KCNH8: variants seen among roughly 807,000 people sequenced by gnomAD.
KCNH8 encodes potassium voltage-gated channel subfamily H member 8.
Under a neutral mutation model 103.6 loss-of-function variants are expected in KCNH8, and 70 were observed. The ratio of observed to expected loss-of-function variants is 0.68; its 90% CI spans 0.56 to 0.82. The LOEUF is 0.82. Ranked by LOEUF, KCNH8 falls within the 40% of genes least tolerant of loss-of-function variation. The pLI, the probability that KCNH8 is intolerant of heterozygous loss-of-function variation, is 0.00. For synonymous variants in KCNH8, 498 were observed against 489.4 expected (o/e 1.02, Z -0.23); for missense variants, 1,217 against 1,329.9 (o/e 0.92, Z 1.32).
chr3:19,377,775 A>G (rs1024891519), intron 5 of KCNH8, among the ~76,000 whole-genome samples: 2 of 152,222 alleles, frequency 1.3e-5, no homozygotes, highest in African/African-American at 4.8e-5. Context: ...TCATAATGAT[A>G]AAAGGTCACA....
Position 19,278,930 on chromosome 3 carries a change from CCTATGCAAAGGCT to C in KCNH8, c.311-2265_311-2253del, listed in dbSNP as rs1350596121. On this transcript the variant is annotated intron_variant, in intron 2 of 15. Coordinates refer to ENST00000328405, the MANE Select transcript of KCNH8 (RefSeq NM_144633.3). ...GCTCTTTCCAAAATATATTGGTGCA[CCTATGCAAAGGCT>C]CTTTGGAGACAGTAATGATACTTGT... Among the ~76,000 whole-genome samples the C allele has an allele frequency of 3.3e-5, 5 of 152,184 alleles. No homozygotes were observed. The South Asian group carries it at 8.3e-4, about 25-fold the overall frequency.
chr3:19,348,363 CCGTGCCCTTT>C (rs147246380), intron 5 of KCNH8, among the ~76,000 whole-genome samples: 3,747 of 152,156 alleles, frequency 0.025, 73 homozygotes, highest in Non-Finnish European at 0.035. Context: ...CCATGCCCTT[CCGTGCCCTTT>C]CAGCATGTTG....
At position 19,497,956 on chromosome 3, in the gene KCNH8, T is replaced by A. The variant is rs190845285; in HGVS notation, c.2041-12407T>A. Among the ~76,000 whole-genome samples, 620 of 152,266 alleles carry A rather than the reference T, an allele frequency of 4.1e-3. 4 individuals carry two copies. Among genetic ancestry groups the A allele is most frequent in the South Asian group, 0.018 (86 of 4,830 alleles). On this transcript the variant is annotated intron_variant, in intron 11 of 15. Transcript: ENST00000328405. ...GGCATATATATTTAGGATAGTTAGG[T>A]CTTCTTGTTGAATTAAACTCTTTAC...
chr3:19,447,055 A>G (rs10428250), intron 8 of KCNH8, among the ~76,000 whole-genome samples: 4,777 of 152,148 alleles, frequency 0.031, 214 homozygotes, highest in African/African-American at 0.095. Flanking sequence ...CAAGAATTAT[A>G]TACATCAAAT....
chr3:19,264,961 A>C (rs896388142), intron 2 of KCNH8, among the ~76,000 whole-genome samples: 1 of 151,998 alleles, frequency 6.6e-6, no homozygotes, highest in Non-Finnish European at 1.5e-5. Flanking sequence ...TGGCAAACCT[A>C]AGCTTTCCAC....
At chr3:19,338,162 G>A (rs554091895) in intron 3 of KCNH8, among the ~76,000 whole-genome samples, 28 of 152,030 alleles carry the variant, frequency 1.8e-4, no homozygotes, top group African/African-American at 5.8e-4. Context: ...CTTCAAAGGC[G>A]CTGGATGAGC....
At chr3:19,307,861 A>G (rs1010333691) in intron 3 of KCNH8, among the ~76,000 whole-genome samples, 3 of 151,916 alleles carry the variant, frequency 2.0e-5, no homozygotes, top group African/African-American at 7.2e-5. Context: ...ACAAAAGTAA[A>G]AAGTAGAACA....
At chr3:19,438,382 A>G (rs751866502) in intron 8 of KCNH8, 21 bp downstream of exon 8, 4 of 1,587,630 alleles carry the variant, frequency 2.5e-6, no homozygotes, top group Non-Finnish European at 3.5e-6. Context: ...ATCTTCTTTT[A>G]TACTAAGAAG....
Position 19,533,958 on chromosome 3 carries a change from T to C in KCNH8, c.3183T>C (p.Ser1061=), listed in dbSNP as rs1209729325. Residue 1061 remains serine, a synonymous_variant, in exon 16 of 16, where the codon AGT becomes AGC. Transcript: ENST00000328405. ...EEGSFSQGTV[S]SFSLENLPGS... Reference sequence around the variant, plus strand: ...GCAGCTTCAGTCAGGGAACTGTGAGTTCCTTCAGTCTGGAAAACTTACCAG... The same window carrying C: ...GCAGCTTCAGTCAGGGAACTGTGAGCTCCTTCAGTCTGGAAAACTTACCAG... 6.2e-7 allele frequency: 1 copy of C among 1,614,066 alleles called. No homozygotes were observed. Among genetic ancestry groups the C allele is most frequent in the East Asian group, 2.2e-5 (1 of 44,842 alleles).
chr3:19,214,561 T>A (rs1237130457), intron 1 of KCNH8, among the ~76,000 whole-genome samples: 1 of 152,226 alleles, frequency 6.6e-6, no homozygotes, highest in African/African-American at 2.4e-5. Flanking sequence ...ACTTCCCCTG[T>A]GGATCAGGCC....
chr3:19,252,339 C>T lies in KCNH8; in HGVS notation c.77-1315C>T, dbSNP rs529693795. ...TTAATAATTTACTATTTTGATTGTC[C>T]TCTAAGTCTTTTGTGTTAATATTAC... On this transcript the variant is annotated intron_variant, in intron 1 of 15. Transcript: ENST00000328405. 3.9e-5 allele frequency among the ~76,000 whole-genome samples: 6 copies of T among 152,068 alleles called. No individual in the cohort carries two copies. In the South Asian group the frequency reaches 1.2e-3, roughly 32 times the overall value.
intron 5 of KCNH8, among the ~76,000 whole-genome samples, chr3:19,384,062 A>G (rs886229848): frequency 2.0e-5 from 3 of 152,242 alleles, no homozygotes; most frequent in African/African-American, 2.4e-5. Flanking sequence ...GACATGTTAC[A>G]TGGAAGTCTT....
intron 5 of KCNH8, among the ~76,000 whole-genome samples, chr3:19,350,405 T>A (rs2065784229): frequency 6.6e-6 from 1 of 152,106 alleles, no homozygotes. Flanking sequence ...GAGTTTGAGA[T>A]CTGAGAACGG....
chr3:19,473,080 G>C (rs370600061), intron 11 of KCNH8, among the ~76,000 whole-genome samples: 2 of 152,280 alleles, frequency 1.3e-5, no homozygotes, highest in African/African-American at 4.8e-5. Flanking sequence ...TTTACTGCCT[G>C]AGATTACAAA....
chr3:19,211,573 AT>A (rs1211532985), intron 1 of KCNH8, among the ~76,000 whole-genome samples: 1 of 151,966 alleles, frequency 6.6e-6, no homozygotes, highest in African/African-American at 2.4e-5. Flanking sequence ...TCTCTTCAAA[AT>A]TTTTTTTACT....
chr3:19,446,422 T>C (rs568472991), intron 8 of KCNH8, among the ~76,000 whole-genome samples: 1 of 152,226 alleles, frequency 6.6e-6, no homozygotes, highest in South Asian at 2.1e-4. Flanking sequence ...CATAGTTTTA[T>C]TGGACCCATA....
intron 2 of KCNH8, among the ~76,000 whole-genome samples, chr3:19,278,143 G>T (rs2064701510): frequency 6.6e-6 from 1 of 152,098 alleles, no homozygotes; most frequent in Non-Finnish European, 1.5e-5. Context: ...CATTAGAAAT[G>T]CAGGGTGGAG....
At chr3:19,254,016 T>C (rs1559444695) in intron 2 of KCNH8, 129 bp downstream of exon 2, 13 of 649,730 alleles carry the variant, frequency 2.0e-5, no homozygotes, top group Non-Finnish European at 3.0e-5. Context: ...TTACAGAAGT[T>C]CCACAAATGA....
chr3:19,326,232 G>A (rs991965301), intron 3 of KCNH8, among the ~76,000 whole-genome samples: 1 of 151,648 alleles, frequency 6.6e-6, no homozygotes, highest in Non-Finnish European at 1.5e-5. Flanking sequence ...ATAACTAAAG[G>A]ATACTAGGCT....
Sources: allele counts gnomAD v4.1 joint callset (sites outside exome capture counted in the v4.1 genomes callset), GRCh38; gene constraint gnomAD v4.1.1; transcripts MANE v1.5; gene names NCBI Gene and HGNC (gene_info 2026-07-23, HGNC 2026-07-21).